TRPM4: variants seen among roughly 807,000 people sequenced by gnomAD.
TRPM4 encodes calcium-activated non-selective cation channel 1.
In TRPM4, 124 loss-of-function variants were observed where a neutral mutation model predicts 135.6. The ratio of observed to expected loss-of-function variants is 0.91; its 90% confidence interval spans 0.79 to 1.06. The LOEUF is 1.06. Among genes scored for constraint, TRPM4 ranks in the 50% least tolerant of loss-of-function variants. The pLI is 0.00. For missense variants in TRPM4, 1,658 were observed against 1,671.4 expected, an observed-to-expected ratio of 0.99 and a Z score of 0.14; for synonymous variants, 745 against 705.6, an observed-to-expected ratio of 1.06 and a Z score of -0.88.
intron 12 of TRPM4, among the ~76,000 whole-genome samples, chr19:49,183,413 T>C (rs1968076034): frequency 6.6e-6 from 1 of 152,192 alleles, no homozygotes; most frequent in Non-Finnish European, 1.5e-5. Context: ...TGTTTATTTT[T>C]TGAGACAGAG....
At chr19:49,191,902 C>T (rs1968426775) in intron 16 of TRPM4, among the ~76,000 whole-genome samples, 1 of 152,188 alleles carries the variant, frequency 6.6e-6, no homozygotes, top group Non-Finnish European at 1.5e-5. Context: ...AGGTGCCAAG[C>T]TCAAGACTTG....
chr19:49,198,267 C>G (rs1235146234), intron 17 of TRPM4, among the ~76,000 whole-genome samples: 1 of 152,218 alleles, frequency 6.6e-6, no homozygotes, highest in Admixed American at 6.5e-5. Flanking sequence ...CCATATGCTA[C>G]CATGCTCTAG....
At chr19:49,187,526 A>AT (rs1187392888) in intron 12 of TRPM4, among the ~76,000 whole-genome samples, 2 of 151,670 alleles carry the variant, frequency 1.3e-5, no homozygotes, top group Non-Finnish European at 2.9e-5. Context: ...AAAAAAAAAA[A>AT]TTTTGTAGAG....
Position 49,168,601 on chromosome 19 carries a change from G to C in TRPM4, c.661G>C (p.Val221Leu). The change falls in exon 6 of 25, where the codon GTC becomes CTC. Residue 221 changes from valine (V) to leucine (L), a missense_variant. Val to Leu is a conservative substitution (Grantham distance 32, BLOSUM62 1). This residue lies in a region of TRPM4 where 1,412 missense variants were observed against 1,408.7 expected (regional missense o/e 1.00). Transcript: ENST00000252826. ...YRWRGDPEDG[V>L]QFPLDYNYSA... ...GTGGCGCGGTGACCCGGAGGACGGG[G>C]TCCAGTTTCCCCTGGACTACAACTA... The C allele has an allele frequency of 6.2e-7, 1 of 1,613,816 alleles. No individual in the cohort carries two copies. Among genetic ancestry groups the C allele is most frequent in the Non-Finnish European group, 8.5e-7 (1 of 1,180,002 alleles).
At chr19:49,185,781 C>T (rs1968177487) in intron 12 of TRPM4, among the ~76,000 whole-genome samples, 2 of 151,720 alleles carry the variant, frequency 1.3e-5, no homozygotes, top group Non-Finnish European at 1.5e-5. Flanking sequence ...GATGGAGTCT[C>T]ACTCTGTGGC....
At chr19:49,208,809 G>A (rs1175823) in intron 20 of TRPM4, among the ~76,000 whole-genome samples, 38,946 of 151,800 alleles carry the variant, frequency 0.26, 9,655 homozygotes, top group African/African-American at 0.66. Flanking sequence ...AATACAAAAA[G>A]TTAGCTGAGC....
rs1462744025 is a variant in TRPM4, at chr19:49,204,758, A to G, written c.3131+2617A>G. On this transcript the variant is annotated intron_variant, in intron 20 of 24. Coordinates refer to ENST00000252826, the MANE Select transcript of TRPM4 (RefSeq NM_017636.4). ...TTATTTTTAGTAGAAACGGGGTTTC[A>G]CCATGTTATCCAGGATGGTCTCGAT... Among the ~76,000 whole-genome samples, 3 of 150,988 alleles carry G rather than the reference A, an allele frequency of 2.0e-5. No individual in the cohort carries two copies. In the East Asian group the frequency reaches 5.9e-4, roughly 29 times the overall value.
At chr19:49,162,659 C>T (rs947135212) in intron 2 of TRPM4, among the ~76,000 whole-genome samples, 1 of 152,102 alleles carries the variant, frequency 6.6e-6, no homozygotes, top group African/African-American at 2.4e-5. Context: ...CACTGAATGT[C>T]AGAATTTTCC....
Position 49,196,573 on chromosome 19 carries a change from A to G in TRPM4, c.2344A>G (p.Ile782Val). 6.4e-7 allele frequency: 1 copy of G among 1,555,996 alleles called. No homozygotes were observed. The highest frequency in any genetic ancestry group is 1.2e-5 in the South Asian group (1 of 84,868). Residue 782 changes from isoleucine (I) to valine (V), a missense_variant, in exon 17 of 25, where the codon ATC (isoleucine) becomes GTC (valine). Around this residue, in one of 3 missense-constraint regions of TRPM4, gnomAD observed 1,412 missense variants for 1,408.7 expected, o/e 1.00. Coordinates refer to ENST00000252826, the MANE Select transcript of TRPM4 (RefSeq NM_017636.4). ...WFHFWGAPVT[I>V]FMGNVVSYLL... The stretch of plus-strand genomic sequence containing the variant: ...CCACTTCTGGGGCGCGCCGGTGACC[A>G]TCTTCATGGGCAACGTGGTCAGCTA...
chr19:49,174,416 G>A (rs1188338759), intron 9 of TRPM4, among the ~76,000 whole-genome samples: 1 of 151,932 alleles, frequency 6.6e-6, no homozygotes, highest in Non-Finnish European at 1.5e-5. Context: ...CTCCCAAAGT[G>A]CTGGGATTAC....
intron 10 of TRPM4, among the ~76,000 whole-genome samples, chr19:49,182,090 A>ATCCATCCATCCC (rs1568470250): frequency 1.3e-5 from 1 of 78,452 alleles, no homozygotes; most frequent in Non-Finnish European, 2.8e-5. Context: ...CCATCCATCC[A>ATCCATCCATCCC]TCTGTCCATC....
rs111352880 is a variant in TRPM4 at position 49,189,058 on chromosome 19, C to T, written c.1986C>T (p.Asp662=). The change falls in exon 14 of 25, where the codon GAC becomes GAT. Residue 662 remains aspartate (D), a synonymous_variant. Coordinates refer to ENST00000252826, the MANE Select transcript of TRPM4 (RefSeq NM_017636.4). Reference sequence around the variant, plus strand: ...GCCTCCAGCTGGCCATGCAAGCTGACGCCCGTGCCTTCTTTGCCCAGGATG... The same window carrying T: ...GCCTCCAGCTGGCCATGCAAGCTGATGCCCGTGCCTTCTTTGCCCAGGATG... ...ATCLQLAMQA[D]ARAFFAQDGV... is the part of the protein sequence containing the mutation. 2.0e-5 allele frequency: 32 copies of T among 1,614,194 alleles called. No individual in the cohort carries two copies. The African/African-American group carries it at 2.7e-4, about 13-fold the overall frequency.
At position 49,211,019 on chromosome 19, in the gene TRPM4, G is replaced by A. The variant is rs1568499210; in HGVS notation, c.3466G>A (p.Asp1156Asn). The A allele has an allele frequency of 1.1e-5, 17 of 1,613,986 alleles. No homozygotes were observed. The highest frequency in any genetic ancestry group is 1.4e-5 in the Non-Finnish European group (17 of 1,179,964). The change falls in exon 23 of 25, where the codon GAC becomes AAC. Residue 1156 changes from aspartate to asparagine, a missense_variant. By Grantham distance (23) the Asp-to-Asn change is conservative. Transcript: ENST00000252826. This position sits in a 1 kb window ranked among gnomAD's most constrained non-coding sequence, Gnocchi z 4.8. ...ERLKRTSQKV[D>N]LALKQLGHIR... ...TAAGAGGCCCTCCCTTCTCAGGGTG[G>A]ACTTGGCACTGAAACAGCTGGGACA...
At chr19:49,188,557 G>C (rs564405345) in intron 12 of TRPM4, 84 bp from the exon 13 acceptor site, 8 of 1,599,486 alleles carry the variant, frequency 5.0e-6, no homozygotes, top group Non-Finnish European at 6.9e-6. Context: ...TCTGACCTCT[G>C]ACTCTGTTCC....
At chr19:49,176,394 T>G (rs1261646707) in intron 9 of TRPM4, among the ~76,000 whole-genome samples, 1 of 152,098 alleles carries the variant, frequency 6.6e-6, no homozygotes, top group South Asian at 2.1e-4. Flanking sequence ...TATTTTTAAT[T>G]TTTTTATAGG....
At chr19:49,206,543 G>A (rs867700903) in intron 20 of TRPM4, among the ~76,000 whole-genome samples, 2 of 151,272 alleles carry the variant, frequency 1.3e-5, no homozygotes, top group African/African-American at 2.4e-5. Context: ...GGGCTCAAGC[G>A]ATTCTCCTGC....
chr19:49,187,691 G>A (rs748484688), intron 12 of TRPM4, among the ~76,000 whole-genome samples: 1 of 152,102 alleles, frequency 6.6e-6, no homozygotes. Context: ...AGTAATTCGC[G>A]CAGAGCCGGC....
At chr19:49,192,662 A>G (rs1345428468) in intron 16 of TRPM4, among the ~76,000 whole-genome samples, 1 of 152,106 alleles carries the variant, frequency 6.6e-6, no homozygotes, top group African/African-American at 2.4e-5. Context: ...AACAACACAC[A>G]TTGGGGCCTA....
intron 12 of TRPM4, among the ~76,000 whole-genome samples, chr19:49,187,199 T>TG (rs956245853): frequency 8.7e-4 from 129 of 148,122 alleles, no homozygotes; most frequent in African/African-American, 3.0e-3. Context: ...TTTCTTGTTT[T>TG]TTTTTTTTTA....
Sources: gnomAD v4.1 joint callset for allele counts (sites outside exome capture counted in the v4.1 genomes callset) on GRCh38, gnomAD v4.1.1 for gene constraint, gnomAD v4.1.1 regional missense constraint, Gnocchi (gnomAD v3.1) non-coding constraint, MANE v1.5 for transcripts, NCBI Gene and HGNC (gene_info 2026-07-23, HGNC 2026-07-21) for gene names.